The following PPP1R42 variants were observed in gnomAD, a reference collection of about 807,000 sequenced individuals.
The protein encoded by PPP1R42 is protein phosphatase 1 regulatory subunit 42.
In PPP1R42, 34 loss-of-function variants were observed where a neutral mutation model predicts 31.0. The observed-to-expected ratio is 1.10, with a 90% CI of 0.83 to 1.46. The LOEUF (loss-of-function observed/expected upper bound fraction) is 1.46. Among genes scored for constraint, PPP1R42 ranks in the 40% most tolerant of loss-of-function variants. The pLI, the probability that PPP1R42 is intolerant of heterozygous loss-of-function variation, is 0.00. For synonymous variants in PPP1R42, 103 were observed against 109.8 expected (o/e 0.94, Z 0.39); for missense variants, 268 against 303.0 (o/e 0.88, Z 0.86).
At chr8:67,013,345 T>A (rs1452404755) in intron 3 of PPP1R42, among the ~76,000 whole-genome samples, 5 of 151,862 alleles carry the variant, frequency 3.3e-5, no homozygotes, top group Non-Finnish European at 5.9e-5. Flanking sequence ...CAACATACAA[T>A]TCATATGTTG....
chr8:66,988,676 C>A (rs1366364636), intron 5 of PPP1R42, among the ~76,000 whole-genome samples, 159 bp from the exon 6 acceptor site: 1 of 152,118 alleles, frequency 6.6e-6, no homozygotes, highest in African/African-American at 2.4e-5. Flanking sequence ...TTGAATAAAA[C>A]AATCTATACT....
Position 67,017,630 on chromosome 8 carries a change from T to C in PPP1R42, c.118A>G (p.Ile40Val). 1 of 1,511,130 alleles carries C rather than the reference T, an allele frequency of 6.6e-7. No homozygotes were observed. The highest frequency in any genetic ancestry group is 1.4e-5 in the South Asian group (1 of 72,684). 93.6% of individuals were successfully genotyped at this position (1,511,130 alleles called of 1,614,324 possible). Residue 40 changes from isoleucine to valine, a missense_variant, in exon 2 of 8, where the codon ATA becomes GTA. Ile to Val is a conservative substitution (Grantham distance 29, BLOSUM62 3). Transcript: ENST00000685739. ...ITHINFSDKN[I>V]DAIEDLSLCK... ...TTCAAAGTTCTTACAATTGCATCTA[T>C]ATTTTTGTCTGAAAAATTTATATGA...
chr8:66,979,598 C>G (rs1033723941), intron 7 of PPP1R42, among the ~76,000 whole-genome samples: 1 of 152,126 alleles, frequency 6.6e-6, no homozygotes, highest in African/African-American at 2.4e-5. Context: ...TGTTTTTATA[C>G]CAGTACCATG....
chr8:66,988,571 T>C (rs1815097576), intron 5 of PPP1R42, 54 bp from the exon 6 acceptor site: 1 of 1,457,874 alleles, frequency 6.9e-7, no homozygotes, highest in African/African-American at 1.4e-5. Flanking sequence ...TACCAATACT[T>C]CTAGCATGTC....
intron 5 of PPP1R42, among the ~76,000 whole-genome samples, chr8:67,008,165 T>C (rs919790946): frequency 6.6e-6 from 1 of 152,098 alleles, no homozygotes; most frequent in Non-Finnish European, 1.5e-5. Context: ...AGCCTCCATT[T>C]ATTATTATTG....
Position 66,985,287 on chromosome 8 carries a change from G to A in PPP1R42, c.671-3107C>T, listed in dbSNP as rs1333407927. 6 of 917,238 alleles carry A rather than the reference G, an allele frequency of 6.5e-6. No homozygotes were observed. In the East Asian group the frequency reaches 1.4e-4, roughly 22 times the overall value. The allele number at this position is 917,238 out of a possible 1,614,324, so 56.8% of individuals were successfully genotyped here. On this transcript the variant is annotated intron_variant, in intron 6 of 7. Coordinates refer to ENST00000685739, the MANE Select transcript of PPP1R42 (RefSeq NM_001364910.1). ...GCTGGGAAGCGACAGTGGAGACTCG[G>A]GGTCAAAAAAGGTATTGGACTCCAT...
chr8:66,986,507 T>G (rs1254172745), intron 6 of PPP1R42, among the ~76,000 whole-genome samples: 1 of 152,080 alleles, frequency 6.6e-6, no homozygotes, highest in East Asian at 1.9e-4. Flanking sequence ...CACGCCGCTG[T>G]CTCCCAACAC....
intron 7 of PPP1R42, chr8:66,970,718 G>A (rs1480177616): frequency 1.1e-5 from 5 of 439,748 alleles, no homozygotes; most frequent in South Asian, 7.0e-5. Context: ...GGGACTTTTC[G>A]GAGTCTCCTA....
intron 3 of PPP1R42, 83 bp from the exon 4 acceptor site, chr8:67,013,179 A>C: frequency 8.9e-7 from 1 of 1,123,458 alleles, no homozygotes. Flanking sequence ...GTAATAACAA[A>C]ATCACTGAGC....
At chr8:66,986,995 C>T (rs1815038697) in intron 6 of PPP1R42, among the ~76,000 whole-genome samples, 1 of 152,166 alleles carries the variant, frequency 6.6e-6, no homozygotes, top group African/African-American at 2.4e-5. Context: ...GAAACCCCGC[C>T]TCTACTCTAA....
At chr8:67,000,771 C>T (rs1453891064) in intron 5 of PPP1R42, among the ~76,000 whole-genome samples, 2 of 152,218 alleles carry the variant, frequency 1.3e-5, no homozygotes, top group Non-Finnish European at 2.9e-5. Flanking sequence ...AATATTCTAA[C>T]TCCTATTTTA....
At chr8:67,023,376 T>C (rs1210582977) in intron 1 of PPP1R42, among the ~76,000 whole-genome samples, 6 of 152,102 alleles carry the variant, frequency 3.9e-5, no homozygotes, top group African/African-American at 9.7e-5. Context: ...TCCCAAACCG[T>C]TGGGATTGCA....
intron 1 of PPP1R42, among the ~76,000 whole-genome samples, chr8:67,027,809 C>A (rs991903435): frequency 5.9e-5 from 9 of 152,218 alleles, no homozygotes; most frequent in Admixed American, 3.3e-4. Flanking sequence ...CTACTTTCCA[C>A]CTTCTAGATA....
chr8:67,022,252 A>G (rs1229897495), intron 1 of PPP1R42, among the ~76,000 whole-genome samples: 3 of 152,158 alleles, frequency 2.0e-5, no homozygotes, highest in Non-Finnish European at 4.4e-5. Context: ...GCCATTCTCT[A>G]CTTATTGAGA....
At chr8:66,985,097 T>A (rs1236323281) in intron 6 of PPP1R42, 5 of 1,271,542 alleles carry the variant, frequency 3.9e-6, no homozygotes, top group Non-Finnish European at 4.6e-6. Flanking sequence ...TTTAGCTCCT[T>A]CCTAGGAGCA....
At chr8:67,006,739 CTTTTTTT>C (rs1183630078) in intron 5 of PPP1R42, among the ~76,000 whole-genome samples, 11 of 70,534 alleles carry the variant, frequency 1.6e-4, no homozygotes, top group African/African-American at 6.2e-4. Flanking sequence ...AGGGTAGAGG[CTTTTTTT>C]TTTTTTTTTT....
intron 5 of PPP1R42, among the ~76,000 whole-genome samples, chr8:66,996,300 C>T (rs1191851662): frequency 6.6e-6 from 1 of 152,188 alleles, no homozygotes; most frequent in Non-Finnish European, 1.5e-5. Flanking sequence ...AATCCTCCTG[C>T]CTTGGCCTCC....
In PPP1R42 at chr8:66,982,468, T is replaced by A. The variant is rs188002284; in HGVS notation, c.671-288A>T. Among the ~76,000 whole-genome samples the A allele has an allele frequency of 1.4e-3, 215 of 152,302 alleles. 3 individuals are homozygous for A. Among genetic ancestry groups the A allele is most frequent in the Admixed American group, 0.01 (158 of 15,298 alleles). On this transcript the variant is annotated intron_variant, in intron 6 of 7. Coordinates refer to ENST00000685739, the MANE Select transcript of PPP1R42 (RefSeq NM_001364910.1). The stretch of plus-strand genomic sequence containing the variant: ...TTATCCCCCTTTTATTTATTTATTT[T>A]TTTTTTGAGACAAGTTCTCGCTCTG...
chr8:67,016,225 C>T (rs534228719), intron 2 of PPP1R42, among the ~76,000 whole-genome samples: 1 of 152,246 alleles, frequency 6.6e-6, no homozygotes, highest in African/African-American at 2.4e-5. Flanking sequence ...TTGCCTGGGG[C>T]ATTAGTATTT....
Sources: gnomAD v4.1 joint callset for allele counts (sites outside exome capture counted in the v4.1 genomes callset) on GRCh38, gnomAD v4.1.1 for gene constraint, MANE v1.5 for transcripts, NCBI Gene and HGNC (gene_info 2026-07-23, HGNC 2026-07-21) for gene names.